MAX: variants seen among roughly 807,000 people sequenced by gnomAD.
The protein encoded by MAX is MYC associated transcriptional regulator X.
Under a neutral mutation model 22.3 loss-of-function variants are expected in MAX, and 3 were observed. That is an observed-to-expected ratio of 0.13 (90% CI 0.06 to 0.35). MAX has a LOEUF of 0.35. Ranked by LOEUF, MAX falls within the 10% of genes least tolerant of loss-of-function variation. The pLI, the probability that MAX is intolerant of heterozygous loss-of-function variation, is 1.00. For missense variants in MAX, 119 were observed against 209.4 expected (o/e 0.57, Z 2.66); for synonymous variants, 72 against 77.7 (o/e 0.93, Z 0.39).
Position 65,069,392 on chromosome 14 carries a change from T to C in MAX, c.171+24316A>G, listed in dbSNP as rs1333413809. On this transcript the variant is annotated intron_variant, in intron 3 of 3. Coordinates refer to the MAX transcript ENST00000341653. This position sits in a 1 kb window ranked among gnomAD's most constrained non-coding sequence, Gnocchi z 4.6. ...TCCCATAGTGCCAAACCGCTCTCAC[T>C]GAGGGCCCATCTCCTGAACTCCTCT... is the stretch of plus-strand genomic sequence containing the variant. 6.6e-6 allele frequency among the ~76,000 whole-genome samples: 1 copy of C among 152,192 alleles called. No homozygotes were observed. Among genetic ancestry groups the C allele is most frequent in the East Asian group, 1.9e-4 (1 of 5,188 alleles).
At chr14:65,026,705 A>T (rs1197549488) in intron 3 of MAX, among the ~76,000 whole-genome samples, 5 of 152,048 alleles carry the variant, frequency 3.3e-5, no homozygotes, top group Non-Finnish European at 2.9e-5. Flanking sequence ...TACTGAAAAT[A>T]CAAAAAATTG....
At chr14:65,041,070 C>T in intron 3 of MAX, 1 of 1,318,736 alleles carries the variant, frequency 7.6e-7, no homozygotes, top group South Asian at 1.5e-5. Flanking sequence ...AGCAGCTGCT[C>T]TGTCTTGGCT....
chr14:65,044,637 C>T lies in MAX; in HGVS notation c.172-38353G>A. On this transcript the variant is annotated intron_variant, in intron 3 of 3. Transcript: ENST00000341653. This position sits in a 1 kb window ranked among gnomAD's most constrained non-coding sequence, Gnocchi z 5.5. ...AGATTTAGTTTCATTGGTTTAGTGTCATTCTTTGCTTCTTCAAATTGGCTG... is the reference window on the plus strand; with the variant it reads ...AGATTTAGTTTCATTGGTTTAGTGTTATTCTTTGCTTCTTCAAATTGGCTG... The T allele has an allele frequency of 1.2e-6, 1 of 825,870 alleles. No individual in the cohort carries two copies. Among genetic ancestry groups the T allele is most frequent in the South Asian group, 2.4e-5 (1 of 42,430 alleles). 51.2% of individuals were successfully genotyped at this position (825,870 alleles called of 1,614,324 possible). A position where few individuals can be genotyped will look rare whatever the true frequency, so the allele number is the denominator to read the frequency against.
chr14:65,046,426 T>C (rs2062478199), intron 3 of MAX, among the ~76,000 whole-genome samples: 1 of 152,174 alleles, frequency 6.6e-6, no homozygotes, highest in Admixed American at 6.6e-5. Flanking sequence ...CAGGGAAATG[T>C]GGAATGAGCT....
At chr14:65,074,453 A>T (rs1275736481), downstream of MAX, among the ~76,000 whole-genome samples, 1 of 152,222 alleles carries the variant, frequency 6.6e-6, no homozygotes, top group African/African-American at 2.4e-5. Context: ...AATTGATAGG[A>T]GCCACAGTGC....
Position 65,093,568 on chromosome 14 carries a change from A to C in MAX, c.171+140T>G. Reference sequence around the variant, plus strand: ...TACGTAAGGTGTGCAGTGATCCTCCAAACAGTCAAAAATAAGGCAACCATG... The same window carrying C: ...TACGTAAGGTGTGCAGTGATCCTCCCAACAGTCAAAAATAAGGCAACCATG... On this transcript the variant is annotated intron_variant, in intron 3 of 4. Transcript: ENST00000358664. The surrounding 1 kb of genome is among the most constrained non-coding windows in gnomAD (Gnocchi z 4.4). 2.9e-6 allele frequency: 2 copies of C among 700,166 alleles called. No homozygotes were observed. The highest frequency in any genetic ancestry group is 2.7e-5 in the East Asian group (1 of 37,190). The allele number at this position is 700,166 out of a possible 1,614,324, so 43.4% of individuals were successfully genotyped here.
chr14:65,065,641 G>T (rs2062924466), intron 3 of MAX, among the ~76,000 whole-genome samples: 1 of 152,174 alleles, frequency 6.6e-6, no homozygotes, highest in South Asian at 2.1e-4. Context: ...ACAGTATTAT[G>T]ATCTCACGGG....
downstream of MAX, among the ~76,000 whole-genome samples, chr14:65,074,874 C>T (rs1306764780): frequency 1.1e-4 from 17 of 152,224 alleles, no homozygotes. Flanking sequence ...AATGTTGCCA[C>T]AGCTAAGGCT....
At position 65,054,050 on chromosome 14, in the gene MAX, A is replaced by G. The variant is rs1251052965; in HGVS notation, c.171+39658T>C. 1.3e-5 allele frequency among the ~76,000 whole-genome samples: 2 copies of G among 152,202 alleles called. No homozygotes were observed. The highest frequency in any genetic ancestry group is 4.8e-5 in the African/African-American group (2 of 41,462). On this transcript the variant is annotated intron_variant, in intron 3 of 3. Coordinates refer to the MAX transcript ENST00000341653. This position sits in a 1 kb window ranked among gnomAD's most constrained non-coding sequence, Gnocchi z 4.4. ...TTTAATAGTTTAAGGTAAAAAAAGA[A>G]AGAAAAGAAAAAAAATACAGTTCCC...
intron 3 of MAX, among the ~76,000 whole-genome samples, chr14:65,020,806 A>G (rs1486574619): frequency 2.1e-5 from 3 of 142,412 alleles, no homozygotes; most frequent in Admixed American, 7.5e-5. Flanking sequence ...ATCTCAGCTC[A>G]CTGCAACCTC....
chr14:65,096,838 C>G (rs1039052680), intron 2 of MAX, among the ~76,000 whole-genome samples: 2 of 152,144 alleles, frequency 1.3e-5, no homozygotes, highest in Non-Finnish European at 2.9e-5. Context: ...TAATTAGGCC[C>G]TATTCTAGGA....
At chr14:65,035,363 C>T (rs7154903) in intron 3 of MAX, among the ~76,000 whole-genome samples, 2,577 of 152,258 alleles carry the variant, frequency 0.017, 43 homozygotes, top group African/African-American at 0.039. Context: ...TCAGCTGAAC[C>T]CTCAGGAAGC....
At chr14:65,045,205 G>A (rs954752407) in intron 3 of MAX, among the ~76,000 whole-genome samples, 13 of 152,122 alleles carry the variant, frequency 8.5e-5, no homozygotes, top group African/African-American at 3.1e-4. Context: ...GTGAGAGCAG[G>A]TGTCTCTGAG....
intron 3 of MAX, among the ~76,000 whole-genome samples, chr14:65,055,424 C>T (rs972335530): frequency 6.6e-6 from 1 of 152,218 alleles, no homozygotes. Context: ...CCAGTGTAAA[C>T]ATGGCCTGCT....
chr14:65,101,747 C>G, intron 1 of MAX, 175 bp from the exon 2 acceptor site: 1 of 631,120 alleles, frequency 1.6e-6, no homozygotes, highest in South Asian at 2.0e-5. Flanking sequence ...CGGCGGGATC[C>G]GGTAGCAGGG....
Position 65,077,826 on chromosome 14 carries a change from T to C in MAX, c.295+87A>G. 6.2e-7 allele frequency: 1 copy of C among 1,614,192 alleles called. No individual in the cohort carries two copies. The highest frequency in any genetic ancestry group is 8.5e-7 in the Non-Finnish European group (1 of 1,180,034). ...TGCTACTGAGCACATACTCCATGAC[T>C]GGCTCTGACTCTGCAGGCCCAGGTG... On this transcript the variant is annotated intron_variant, in intron 4 of 4. Coordinates refer to ENST00000358664, the MANE Select transcript of MAX (RefSeq NM_002382.5). This position sits in a 1 kb window ranked among gnomAD's most constrained non-coding sequence, Gnocchi z 6.3.
At chr14:65,046,496 T>C (rs2062480811) in intron 3 of MAX, among the ~76,000 whole-genome samples, 1 of 152,234 alleles carries the variant, frequency 6.6e-6, no homozygotes, top group Non-Finnish European at 1.5e-5. Context: ...TTGTTTCTTG[T>C]AGCACATGTT....
intron 3 of MAX, chr14:65,053,306 T>C: frequency 1.4e-6 from 2 of 1,455,052 alleles, no homozygotes; most frequent in Non-Finnish European, 9.1e-7. Flanking sequence ...CATCCTGATG[T>C]GCTGCCAGTG....
rs2062084583 is a variant in MAX at position 65,031,576 on chromosome 14, A to G, written c.172-25292T>C. On this transcript the variant is annotated intron_variant, in intron 3 of 3. Coordinates refer to the MAX transcript ENST00000341653. This position sits in a 1 kb window ranked among gnomAD's most constrained non-coding sequence, Gnocchi z 4.6. ...CGTGATCCACCTGCCTCAGCCTCCCAAAGTGCTGGGATTACAGGCATGAGC... is the reference window on the plus strand; with the variant it reads ...CGTGATCCACCTGCCTCAGCCTCCCGAAGTGCTGGGATTACAGGCATGAGC... Among the ~76,000 whole-genome samples the G allele has an allele frequency of 6.6e-6, 1 of 152,062 alleles. No individual in the cohort carries two copies. Among genetic ancestry groups the G allele is most frequent in the Non-Finnish European group, 1.5e-5 (1 of 67,986 alleles).
Sources: gnomAD v4.1 joint callset for allele counts (sites outside exome capture counted in the v4.1 genomes callset) on GRCh38, gnomAD v4.1.1 for gene constraint, Gnocchi (gnomAD v3.1) non-coding constraint, MANE v1.5 for transcripts, NCBI Gene and HGNC (gene_info 2026-07-23, HGNC 2026-07-21) for gene names.